The following ARPP21 variants were observed in gnomAD, a reference collection of about 807,000 sequenced individuals.
ARPP21 encodes the protein cAMP-regulated phosphoprotein 21.
ARPP21 carries 69 observed loss-of-function variants against 113.2 expected under a neutral mutation model. The observed-to-expected ratio is 0.61, with a 90% confidence interval of 0.50 to 0.74. The LOEUF (loss-of-function observed/expected upper bound fraction) is 0.74, where lower values mean the gene tolerates loss of function less well. Ranked by LOEUF, ARPP21 falls within the 30% of genes least tolerant of loss-of-function variation. The probability of loss-of-function intolerance (pLI) is 0.00; values close to 1 mark genes in which losing one functional copy is unlikely to be tolerated. For synonymous variants in ARPP21, 368 were observed against 375.5 expected (o/e 0.98, Z 0.23); for missense variants, 1,070 against 1,037.4 (o/e 1.03, Z -0.43).
chr3:35,655,786 T>C (rs1352332493), intron 1 of ARPP21, among the ~76,000 whole-genome samples: 2 of 152,062 alleles, frequency 1.3e-5, no homozygotes, highest in Admixed American at 1.3e-4. Flanking sequence ...GAGAGTTATT[T>C]CTGAAGCAGT....
intron 19 of ARPP21, among the ~76,000 whole-genome samples, chr3:35,766,393 A>G (rs4678806): frequency 0.25 from 38,371 of 152,114 alleles, 5,031 homozygotes; most frequent in African/African-American, 0.28. Context: ...TTAAAAAACA[A>G]AAAAGAAGAA....
chr3:35,739,633 C>A, intron 18 of ARPP21, 56 bp downstream of exon 18: 1 of 1,533,954 alleles, frequency 6.5e-7, no homozygotes, highest in Admixed American at 2.0e-5. Context: ...GCATTTTGAC[C>A]TTTATCTTTC....
rs2093787834 is a variant in ARPP21, at chr3:35,729,454, C to T, written c.1377C>T (p.Pro459=). 6.2e-7 allele frequency: 1 copy of T among 1,614,082 alleles called. No homozygotes were observed. The highest frequency in any genetic ancestry group is 1.3e-5 in the African/African-American group (1 of 74,934). The change falls in exon 15 of 21, where the codon CCC becomes CCT. Residue 459 remains proline (P), a synonymous_variant. Coordinates refer to ENST00000684406, the MANE Select transcript of ARPP21 (RefSeq NM_001385562.1). ...PENGIGGQVA[P]SSTSYILLPL... ...ATGGAATAGGGGGCCAGGTTGCTCC[C>T]AGCAGCACCAGCTACATCCTCCTTC...
At chr3:35,739,706 C>A (rs1370928122) in intron 18 of ARPP21, 129 bp downstream of exon 18, 7 of 1,243,216 alleles carry the variant, frequency 5.6e-6, no homozygotes, top group African/African-American at 3.0e-5. Context: ...TATTCCTCAC[C>A]AACAGGAAGT....
chr3:35,642,394 A>G (rs1426609056), intron 1 of ARPP21: 1 of 152,204 alleles, frequency 6.6e-6, no homozygotes, highest in Non-Finnish European at 1.5e-5. Context: ...ATACTGGACA[A>G]GGATATTTGG....
intron 1 of ARPP21, chr3:35,642,139 T>C (rs1698301923): frequency 6.6e-6 from 1 of 152,230 alleles, no homozygotes; most frequent in Non-Finnish European, 1.5e-5. Context: ...TTGCAGTATT[T>C]AGCTCAGACC....
At chr3:35,690,166 A>G (rs978559001) in intron 8 of ARPP21, 26 bp downstream of exon 8, 8 of 1,120,278 alleles carry the variant, frequency 7.1e-6, no homozygotes, top group Non-Finnish European at 9.6e-6. Context: ...ATGCTGGTTA[A>G]TTTGATCATG....
At position 35,739,494 on chromosome 3, in the gene ARPP21, G is replaced by A; in HGVS notation, c.1927G>A (p.Gly643Ser). The A allele has an allele frequency of 1.9e-6, 3 of 1,614,100 alleles. No homozygotes were observed. The highest frequency in any genetic ancestry group is 2.5e-6 in the Non-Finnish European group (3 of 1,180,026). ...GCAGCTTCCTACAGGAGGATTCTCA[G>A]GCTCTGGCCCTCCCATCTCCCAGCA... The part of the protein sequence containing the change: ...GQQLPTGGFS[G>S]SGPPISQQVL... Residue 643 changes from glycine (G) to serine (S), a missense_variant, in exon 18 of 21, where the codon GGC becomes AGC. Gly to Ser is a moderately conservative substitution (Grantham distance 56, BLOSUM62 0). Coordinates refer to ENST00000684406, the MANE Select transcript of ARPP21 (RefSeq NM_001385562.1).
chr3:35,648,816 G>T (rs1053698953), intron 1 of ARPP21, among the ~76,000 whole-genome samples: 6 of 152,130 alleles, frequency 3.9e-5, no homozygotes, highest in African/African-American at 1.4e-4. Context: ...ACAGATGTCA[G>T]CATTCTTCTG....
chr3:35,747,084 C>T (rs2095102411), intron 19 of ARPP21, among the ~76,000 whole-genome samples: 1 of 152,124 alleles, frequency 6.6e-6, no homozygotes, highest in Non-Finnish European at 1.5e-5. Context: ...GGTGTGGTGG[C>T]TCACACCTAT....
At chr3:35,712,550 G>C (rs1219278454) in intron 11 of ARPP21, among the ~76,000 whole-genome samples, 1 of 149,142 alleles carries the variant, frequency 6.7e-6, no homozygotes, top group Non-Finnish European at 1.5e-5. Flanking sequence ...GTGTGTGTGT[G>C]TGTGTGTGTG....
rs373000891 is a variant in ARPP21, at chr3:35,744,604, G to A, written c.2137+639G>A. The stretch of plus-strand genomic sequence containing the variant: ...GTTATCCAAAGAGCAGCACGAACCC[G>A]ACAGGGCTGAGTGGCTTGTGCTAGG... On this transcript the variant is annotated intron_variant, in intron 19 of 20. Coordinates refer to ENST00000684406, the MANE Select transcript of ARPP21 (RefSeq NM_001385562.1). The A allele has an allele frequency of 9.4e-4, 453 of 483,588 alleles. 3 individuals carry two copies. Among genetic ancestry groups the A allele is most frequent in the South Asian group, 5.4e-3 (338 of 62,990 alleles). 30.0% of individuals were successfully genotyped at this position (483,588 alleles called of 1,614,324 possible).
chr3:35,655,585 C>T (rs1453415305), intron 1 of ARPP21, among the ~76,000 whole-genome samples: 1 of 151,928 alleles, frequency 6.6e-6, no homozygotes, highest in Admixed American at 6.6e-5. Context: ...CATAGCTCTG[C>T]CCCAGTGACT....
chr3:35,778,425 T>A (rs1370417731), intron 19 of ARPP21, among the ~76,000 whole-genome samples: 1 of 151,526 alleles, frequency 6.6e-6, no homozygotes, highest in Non-Finnish European at 1.5e-5. Flanking sequence ...CAGCGAGCAG[T>A]CCTCACCGTT....
At chr3:35,730,754 C>T (rs1433755040) in intron 15 of ARPP21, among the ~76,000 whole-genome samples, 2 of 152,130 alleles carry the variant, frequency 1.3e-5, no homozygotes, top group African/African-American at 4.8e-5. Context: ...TTAGGAAATT[C>T]AGAGAAATAT....
intron 19 of ARPP21, among the ~76,000 whole-genome samples, chr3:35,747,471 A>G (rs898728461): frequency 6.6e-6 from 1 of 152,214 alleles, no homozygotes; most frequent in Non-Finnish European, 1.5e-5. Flanking sequence ...GAAAAATAAA[A>G]AACCTTCAAT....
At chr3:35,759,672 CTCTCTGTG>C (rs1348023110) in intron 19 of ARPP21, among the ~76,000 whole-genome samples, 154 of 119,754 alleles carry the variant, frequency 1.3e-3, no homozygotes, top group African/African-American at 2.0e-3. Context: ...TTCATTTTCT[CTCTCTGTG>C]TGTGTGTGTG....
At chr3:35,786,833 A>G (rs1426331221) in intron 19 of ARPP21, among the ~76,000 whole-genome samples, 1 of 151,848 alleles carries the variant, frequency 6.6e-6, no homozygotes, top group Non-Finnish European at 1.5e-5. Context: ...CGTGAGGGAG[A>G]AGTTGGAGGC....
chr3:35,686,300 C>T (rs1263714065), intron 5 of ARPP21, among the ~76,000 whole-genome samples: 1 of 151,682 alleles, frequency 6.6e-6, no homozygotes, highest in Non-Finnish European at 1.5e-5. Flanking sequence ...ATTTCTGTCC[C>T]AAACTGCAAT....
Sources: allele counts gnomAD v4.1 joint callset (sites outside exome capture counted in the v4.1 genomes callset), GRCh38; gene constraint gnomAD v4.1.1; transcripts MANE v1.5; gene names NCBI Gene and HGNC (gene_info 2026-07-23, HGNC 2026-07-21).